Variants in WDR41 observed in about 807,000 individuals in gnomAD.
WDR41 encodes WD repeat domain 41.
WDR41 carries 63 observed loss-of-function variants against 69.3 expected under a neutral mutation model. The ratio of observed to expected loss-of-function variants is 0.91; its 90% CI spans 0.74 to 1.12. The LOEUF is 1.12. Among genes scored for constraint, WDR41 ranks in the 50% most tolerant of loss-of-function variants. The pLI is 0.00. For missense variants in WDR41, 543 were observed against 534.5 expected, an observed-to-expected ratio of 1.02 and a Z score of -0.16; for synonymous variants, 185 against 192.1, an observed-to-expected ratio of 0.96 and a Z score of 0.31.
At chr5:77,618,132 T>C (rs1421981551) in intron 1 of WDR41, among the ~76,000 whole-genome samples, 1 of 152,198 alleles carries the variant, frequency 6.6e-6, no homozygotes, top group African/African-American at 2.4e-5. Flanking sequence ...TTTCCAGATG[T>C]GACCCGTTCC....
At chr5:77,550,474 G>A (rs1443174812) in intron 1 of WDR41, among the ~76,000 whole-genome samples, 1 of 152,058 alleles carries the variant, frequency 6.6e-6, no homozygotes, top group Non-Finnish European at 1.5e-5. Context: ...CAAAAAAGTG[G>A]CCAACAAACA....
intron 1 of WDR41, among the ~76,000 whole-genome samples, chr5:77,596,988 A>G (rs1462255255): frequency 6.6e-6 from 1 of 151,820 alleles, no homozygotes; most frequent in Non-Finnish European, 1.5e-5. Flanking sequence ...CAGGCATAGT[A>G]GTGCACACCT....
intron 1 of WDR41, among the ~76,000 whole-genome samples, chr5:77,503,190 C>CAAAAAAAAAAAAAAAA (rs144057313): frequency 4.0e-5 from 3 of 74,310 alleles, no homozygotes; most frequent in Non-Finnish European, 7.7e-5. Context: ...AAATGGAAAG[C>CAAAAAAAAAAAAAAAA]AAAAAAAAAA....
Position 77,437,424 on chromosome 5 carries a change from C to T in WDR41, c.1005G>A (p.Arg335=), listed in dbSNP as rs1261822845. The change falls in exon 11 of 13, where the codon AGG becomes AGA. Residue 335 remains arginine (R), a splice_region_variant and synonymous_variant. Transcript: ENST00000296679. ...NVLHVARLPN[R]QLISCSEDGS... is the part of the protein sequence containing the mutation. ...CATCTTCTGAGCATGAGATTAACTG[C>T]CTGTCAGAACAGAAAATCAGTAATA... 6.2e-7 allele frequency: 1 copy of T among 1,613,328 alleles called. No individual in the cohort carries two copies. Among genetic ancestry groups the T allele is most frequent in the Non-Finnish European group, 8.5e-7 (1 of 1,179,528 alleles).
chr5:77,455,878 T>C (rs79049832), intron 5 of WDR41, among the ~76,000 whole-genome samples: 1 of 152,050 alleles, frequency 6.6e-6, no homozygotes, highest in Non-Finnish European at 1.5e-5. Context: ...AATTGGGAAG[T>C]GTGTCTTGGA....
chr5:77,460,315 G>A (rs1023887481), intron 4 of WDR41, among the ~76,000 whole-genome samples: 40 of 152,138 alleles, frequency 2.6e-4, no homozygotes, highest in African/African-American at 9.7e-4. Flanking sequence ...ATTATCATGA[G>A]AATTACATTT....
chr5:77,559,889 T>G (rs1166460399), intron 1 of WDR41, among the ~76,000 whole-genome samples: 4 of 152,056 alleles, frequency 2.6e-5, no homozygotes, highest in Non-Finnish European at 5.9e-5. Flanking sequence ...AAGCAACACA[T>G]AATTTCTGGA....
intron 1 of WDR41, among the ~76,000 whole-genome samples, chr5:77,514,149 A>C (rs1010856229): frequency 6.6e-6 from 1 of 152,106 alleles, no homozygotes; most frequent in African/African-American, 2.4e-5. Context: ...AATCACCTAA[A>C]ATTTTACCAC....
intron 2 of WDR41, among the ~76,000 whole-genome samples, chr5:77,478,316 C>A (rs1296496324): frequency 6.6e-6 from 1 of 152,196 alleles, no homozygotes; most frequent in African/African-American, 2.4e-5. Context: ...TCCTCCCTAA[C>A]TCATTTTATG....
chr5:77,529,851 C>T (rs572698769), intron 1 of WDR41, among the ~76,000 whole-genome samples: 18 of 151,540 alleles, frequency 1.2e-4, no homozygotes, highest in African/African-American at 2.9e-4. Flanking sequence ...CTTCTTTATA[C>T]GATGTACCAA....
At chr5:77,497,715 T>G (rs978775819) in intron 1 of WDR41, among the ~76,000 whole-genome samples, 7 of 152,004 alleles carry the variant, frequency 4.6e-5, no homozygotes, top group Non-Finnish European at 7.4e-5. Context: ...AACATACAAC[T>G]ACCATATGAC....
chr5:77,578,171 C>T (rs1375265644), intron 1 of WDR41, among the ~76,000 whole-genome samples: 1 of 152,146 alleles, frequency 6.6e-6, no homozygotes, highest in East Asian at 1.9e-4. Flanking sequence ...AATCATAAGT[C>T]GAACCATCAC....
At position 77,438,362 on chromosome 5, in the gene WDR41, C is replaced by G. The variant is rs1187831270; in HGVS notation, c.883-1G>C. On this transcript the variant is annotated splice_acceptor_variant, in intron 9 of 12. Transcript: ENST00000296679. LOFTEE classifies it high-confidence loss of function. ...CCCTTCCAACTGCAGCAAATACATT[C>G]TAGGGGAAGAAGTTCAGAAATGGGC... 1 of 1,613,738 alleles carries G rather than the reference C, an allele frequency of 6.2e-7. No individual in the cohort carries two copies. Among genetic ancestry groups the G allele is most frequent in the South Asian group, 1.1e-5 (1 of 91,034 alleles).
intron 1 of WDR41, among the ~76,000 whole-genome samples, chr5:77,551,625 C>A: frequency 6.6e-6 from 1 of 151,878 alleles, no homozygotes; most frequent in Non-Finnish European, 1.5e-5. Flanking sequence ...CTGAAGTGAG[C>A]TGAGATTGCA....
intron 1 of WDR41, among the ~76,000 whole-genome samples, chr5:77,502,221 C>T (rs1273541757): frequency 6.6e-6 from 1 of 151,984 alleles, no homozygotes; most frequent in Non-Finnish European, 1.5e-5. Context: ...CTTCGTGACA[C>T]ATACACAAGC....
chr5:77,570,873 C>T (rs765879809), intron 1 of WDR41, among the ~76,000 whole-genome samples: 15 of 151,682 alleles, frequency 9.9e-5, no homozygotes, highest in Non-Finnish European at 1.5e-4. Flanking sequence ...AAGAAATCAT[C>T]GACAAAGGGT....
Position 77,576,018 on chromosome 5 carries a change from G to A in WDR41, c.42+44461C>T, listed in dbSNP as rs115963263. Among the ~76,000 whole-genome samples the A allele has an allele frequency of 5.0e-3, 766 of 152,274 alleles. 2 individuals are homozygous for A. The highest frequency in any genetic ancestry group is 8.7e-3 in the Non-Finnish European group (592 of 68,016). Reference sequence around the variant, plus strand: ...AAGAATAAAGTGAACCTTCTGGATGGAGTCTTTCTGACACCACAGACAGAG... The same window carrying A: ...AAGAATAAAGTGAACCTTCTGGATGAAGTCTTTCTGACACCACAGACAGAG... On this transcript the variant is annotated intron_variant, in intron 1 of 5. Transcript: ENST00000509971.
intron 2 of WDR41, 113 bp downstream of exon 2, chr5:77,489,344 A>T (rs1246735254): frequency 3.7e-6 from 2 of 544,236 alleles, no homozygotes; most frequent in African/African-American, 2.0e-5. Context: ...GTTACTAATG[A>T]TCACAGTTTT....
intron 1 of WDR41, among the ~76,000 whole-genome samples, chr5:77,532,241 A>G (rs1277164934): frequency 6.6e-6 from 1 of 152,088 alleles, no homozygotes; most frequent in Non-Finnish European, 1.5e-5. Context: ...AAATCTTTCA[A>G]TTTTGCTGTA....
Sources: gnomAD v4.1 joint callset for allele counts (sites outside exome capture counted in the v4.1 genomes callset) on GRCh38, gnomAD v4.1.1 for gene constraint, MANE v1.5 for transcripts, NCBI Gene and HGNC (gene_info 2026-07-23, HGNC 2026-07-21) for gene names.